Variants in SLC49A3 observed in about 807,000 individuals in gnomAD.
The protein encoded by SLC49A3 is solute carrier family 49 member 3.
Under a neutral mutation model 43.8 loss-of-function variants are expected in SLC49A3, and 50 were observed. The ratio of observed to expected loss-of-function variants is 1.14; its 90% confidence interval spans 0.91 to 1.45. The LOEUF (loss-of-function observed/expected upper bound fraction) is 1.45. Ranked by LOEUF, SLC49A3 falls within the 40% of genes most tolerant of loss-of-function variation. The probability of loss-of-function intolerance (pLI) is 0.00; values close to 1 mark genes in which losing one functional copy is unlikely to be tolerated. For synonymous variants in SLC49A3, 413 were observed against 352.0 expected (o/e 1.17, Z -1.94); for missense variants, 906 against 774.1 (o/e 1.17, Z -2.02).
chr4:682,417 G>T, intron 9 of SLC49A3, 41 bp from the exon 10 acceptor site: 1 of 1,318,048 alleles, frequency 7.6e-7, no homozygotes, highest in East Asian at 2.8e-5. Flanking sequence ...GCCAAGCCCA[G>T]GGGCCACAGA....
Position 681,857 on chromosome 4 carries a change from G to A in SLC49A3, c.*101C>T, listed in dbSNP as rs114410634. 2,753 of 1,305,352 alleles carry A rather than the reference G, an allele frequency of 2.1e-3. 54 individuals carry two copies. The African/African-American group carries it at 0.037, about 17-fold the overall frequency. 80.9% of individuals were successfully genotyped at this position (1,305,352 alleles called of 1,614,324 possible). A position where few individuals can be genotyped will look rare whatever the true frequency, so the allele number is the denominator to read the frequency against. On this transcript the variant is annotated 3_prime_UTR_variant, in exon 10 of 10. Coordinates refer to ENST00000322224, the MANE Select transcript of SLC49A3 (RefSeq NM_032219.4). ...AGGTGCGCGCTTGTAATTCGCTCCC[G>A]GAGCCCGCAAGGAGCCCTTTCGCCC...
At chr4:683,049 G>A (rs1159551782) in intron 8 of SLC49A3, among the ~76,000 whole-genome samples, 159 bp from the exon 9 acceptor site, 1 of 152,216 alleles carries the variant, frequency 6.6e-6, no homozygotes, top group East Asian at 1.9e-4. Context: ...GGCCCGGCCT[G>A]CACACAGCAG....
downstream of SLC49A3, chr4:678,372 C>G (rs1226911383): frequency 7.1e-7 from 1 of 1,412,926 alleles, no homozygotes; most frequent in East Asian, 2.6e-5. Flanking sequence ...AGAGGCCAAG[C>G]TGGCTCCTGC....
chr4:684,924 T>C, intron 4 of SLC49A3, 68 bp from the exon 5 acceptor site: 1 of 1,533,320 alleles, frequency 6.5e-7, no homozygotes, highest in South Asian at 1.2e-5. Context: ...CAGCCCTGCC[T>C]GTCCCAGGCG....
At chr4:681,248 C>T (rs867410740), downstream of SLC49A3, 29 of 1,369,202 alleles carry the variant, frequency 2.1e-5, no homozygotes, top group Middle Eastern at 7.0e-4. Flanking sequence ...GCGGTTAGGA[C>T]CCAGGACAGA....
chr4:686,816 G>A (rs1741139166), intron 1 of SLC49A3, 126 bp from the exon 2 acceptor site: 1 of 1,230,622 alleles, frequency 8.1e-7, no homozygotes, highest in Admixed American at 2.5e-5. Flanking sequence ...CAGCGAGCTG[G>A]ACACGGGGCC....
At chr4:678,391 G>C (rs545728379), downstream of SLC49A3, 11 of 1,414,894 alleles carry the variant, frequency 7.8e-6, no homozygotes, top group African/African-American at 2.9e-5. Flanking sequence ...GCTGGACGGC[G>C]ATCCCTGACC....
At position 684,827 on chromosome 4, in the gene SLC49A3, G is replaced by A. The variant is rs751381377; in HGVS notation, c.615C>T (p.Val205=). The A allele has an allele frequency of 8.7e-6, 14 of 1,612,354 alleles. No individual in the cohort carries two copies. Among genetic ancestry groups the A allele is most frequent in the South Asian group, 4.4e-5 (4 of 91,076 alleles). Residue 205 remains valine (V), a synonymous_variant, in exon 5 of 10, where the codon GTC becomes GTT. Transcript: ENST00000322224. ...MLGVYTIPAG[V]VCLLSTICLW... ...GGCAGATGGTGGACAGCAGGCAGAC[G>A]ACGCCAGCAGGGATGGTATAGACAC... is the stretch of plus-strand genomic sequence containing the variant.
rs1253864910 is a variant in SLC49A3 at position 682,181 on chromosome 4, G to A, written c.1457C>T (p.Thr486Met). Residue 486 changes from threonine to methionine, a missense_variant, in exon 10 of 10, where the codon ACG becomes ATG. Thr to Met is a moderately conservative substitution (Grantham distance 81). Coordinates refer to ENST00000322224, the MANE Select transcript of SLC49A3 (RefSeq NM_032219.4). ...AGRAGVLGPS[T>M]ATPECTARGA... ...CCTCGCCGTGCACTCCGGAGTCGCC[G>A]TGCTGGGCCCCAGGACCCCAGCCCT... 3 of 1,355,604 alleles carry A rather than the reference G, an allele frequency of 2.2e-6. No individual in the cohort carries two copies. The highest frequency in any genetic ancestry group is 1.5e-5 in the African/African-American group (1 of 66,072). 84.0% of individuals were successfully genotyped at this position (1,355,604 alleles called of 1,614,324 possible).
At chr4:679,149 C>G (rs763273465), downstream of SLC49A3, 3 of 706,568 alleles carry the variant, frequency 4.2e-6, no homozygotes, top group Non-Finnish European at 6.2e-6. Flanking sequence ...CCTCAGAGGC[C>G]CACCAACGGC....
At chr4:678,259 C>A, downstream of SLC49A3, 1 of 1,470,152 alleles carries the variant, frequency 6.8e-7, no homozygotes. Context: ...TCACGTTGCT[C>A]TCCTGGTGAG....
intron 2 of SLC49A3, 99 bp from the exon 3 acceptor site, chr4:686,401 C>G (rs1287824608): frequency 6.4e-7 from 1 of 1,569,784 alleles, no homozygotes; most frequent in Non-Finnish European, 8.6e-7. Context: ...GCCGCCACCT[C>G]GACGGCTCTG....
At chr4:684,964 C>G in intron 4 of SLC49A3, 108 bp from the exon 5 acceptor site, 1 of 1,428,044 alleles carries the variant, frequency 7.0e-7, no homozygotes, top group Non-Finnish European at 9.3e-7. Flanking sequence ...GCCCCACCAC[C>G]GGCTGCCTCC....
rs745726969 is a variant in SLC49A3 at position 682,217 on chromosome 4, C to G, written c.1421G>C (p.Gly474Ala). 2 of 1,382,106 alleles carry G rather than the reference C, an allele frequency of 1.4e-6. No homozygotes were observed. The highest frequency in any genetic ancestry group is 5.8e-5 in the Admixed American group (2 of 34,624). The allele number at this position is 1,382,106 out of a possible 1,614,324, so 85.6% of individuals were successfully genotyped here. The change falls in exon 10 of 10, where the codon GGG becomes GCG. Residue 474 changes from glycine (G) to alanine (A), a missense_variant. Transcript: ENST00000322224. The part of the protein sequence containing the change: ...GADSGPGVDR[G>A]GAGRAGVLGP... ...CAGGACCCCAGCCCTTCCTGCTCCCCCTCGGTCCACACCCGGCCCTGAGTC... is the reference window on the plus strand; with the variant it reads ...CAGGACCCCAGCCCTTCCTGCTCCCGCTCGGTCCACACCCGGCCCTGAGTC...
At chr4:681,230 G>A, downstream of SLC49A3, 1 of 1,478,562 alleles carries the variant, frequency 6.8e-7, no homozygotes, top group South Asian at 1.2e-5. Flanking sequence ...AGCCCGAGGA[G>A]CAGCGCCGCG....
chr4:678,769 A>G, downstream of SLC49A3: 1 of 1,609,334 alleles, frequency 6.2e-7, no homozygotes, highest in Non-Finnish European at 8.5e-7. Flanking sequence ...CAAGGAGGTG[A>G]GACTTTCCTG....
rs952565106 is a variant in SLC49A3 at position 685,999 on chromosome 4, C to T, written c.509-88G>A. On this transcript the variant is annotated intron_variant, in intron 3 of 9. Coordinates refer to ENST00000322224, the MANE Select transcript of SLC49A3 (RefSeq NM_032219.4). The surrounding 1 kb of genome is among the most constrained non-coding windows in gnomAD (Gnocchi z 4.3). ...GGCAGAACCTTCCGGGCCCCAGCTC[C>T]TCCACCCTGGCCAGAGAGCCTGGGG... 29 of 1,607,732 alleles carry T rather than the reference C, an allele frequency of 1.8e-5. No homozygotes were observed. The highest frequency in any genetic ancestry group is 2.7e-5 in the African/African-American group (2 of 74,824).
In SLC49A3 at chr4:686,647, T is replaced by C. The variant is rs1259924179; in HGVS notation, c.179A>G (p.Asp60Gly). ...GATCTGCTCCATGGACAGGACCAAG[T>C]CCTCAGCAATGACGTCAGCCACAGG... ...FAPVADVIAE[D>G]LVLSMEQINW... Residue 60 changes from aspartate (D) to glycine (G), a missense_variant, in exon 2 of 10, where the codon GAC becomes GGC. By Grantham distance (94) the Asp-to-Gly change is moderately conservative (BLOSUM62 -1). Transcript: ENST00000322224. The C allele has an allele frequency of 2.5e-6, 4 of 1,613,172 alleles. No individual in the cohort carries two copies. Among genetic ancestry groups the C allele is most frequent in the Non-Finnish European group, 3.4e-6 (4 of 1,179,916 alleles).
chr4:676,997 A>C (rs1738905560), downstream of SLC49A3: 1 of 904,686 alleles, frequency 1.1e-6, no homozygotes, highest in South Asian at 5.1e-5. Context: ...CTCAAGAGAC[A>C]TGCAAGTGGC....
Sources: allele counts gnomAD v4.1 joint callset (sites outside exome capture counted in the v4.1 genomes callset), GRCh38; gene constraint gnomAD v4.1.1; non-coding constraint Gnocchi (gnomAD v3.1); transcripts MANE v1.5; gene names NCBI Gene and HGNC (gene_info 2026-07-23, HGNC 2026-07-21).